Variants in CSMD1 observed in about 807,000 individuals in gnomAD.
CSMD1 encodes CUB and Sushi multiple domains 1.
A neutral mutation model predicts 417.5 loss-of-function variants in CSMD1; 213 were observed. The observed-to-expected ratio is 0.51, with a 90% confidence interval of 0.46 to 0.57. The LOEUF is 0.57. Among genes scored for constraint, CSMD1 ranks in the 20% least tolerant of loss-of-function variants. The probability of loss-of-function intolerance (pLI) is 0.00; values close to 1 mark genes in which losing one functional copy is unlikely to be tolerated. For missense variants in CSMD1, 6,923 were observed against 4,529.7 expected, an observed-to-expected ratio of 1.53 and a Z score of -15.17; for synonymous variants, 2,862 against 1,736.8, an observed-to-expected ratio of 1.65 and a Z score of -16.11.
rs1263228979 is a variant in CSMD1, at chr8:4,386,292, C to G, written c.415+33661G>C. ...CCCCGGTTATGACTTCCATCCCACTCAAACAAAACACACTATCAGACATTC... is the reference window on the plus strand; with the variant it reads ...CCCCGGTTATGACTTCCATCCCACTGAAACAAAACACACTATCAGACATTC... On this transcript the variant is annotated intron_variant, in intron 3 of 69. Coordinates refer to ENST00000635120, the MANE Select transcript of CSMD1 (RefSeq NM_033225.6). 4.0e-5 allele frequency among the ~76,000 whole-genome samples: 6 copies of G among 151,882 alleles called. No individual in the cohort carries two copies. The South Asian group carries it at 6.2e-4, about 16-fold the overall frequency.
intron 5 of CSMD1, among the ~76,000 whole-genome samples, chr8:3,942,015 T>C (rs1339682251): frequency 6.6e-6 from 1 of 151,962 alleles, no homozygotes; most frequent in South Asian, 2.1e-4. Flanking sequence ...AGACCAGCAG[T>C]GGCATTAGAT....
chr8:4,031,435 C>T (rs955561951), intron 4 of CSMD1, among the ~76,000 whole-genome samples: 3 of 152,150 alleles, frequency 2.0e-5, no homozygotes, highest in African/African-American at 7.2e-5. Flanking sequence ...CATCAGATCT[C>T]ATAAGACTTA....
chr8:4,067,576 C>T (rs2552108), intron 3 of CSMD1, among the ~76,000 whole-genome samples: 124,420 of 152,080 alleles, frequency 0.82, 50,920 homozygotes, highest in Admixed American at 0.87. Context: ...GTTTCAACAA[C>T]AGCATTTTTG....
intron 5 of CSMD1, among the ~76,000 whole-genome samples, chr8:3,822,309 G>C (rs1029495402): frequency 1.3e-5 from 2 of 152,068 alleles, no homozygotes; most frequent in African/African-American, 4.8e-5. Context: ...GGGAAGAACA[G>C]GTGTTTTAAA....
intron 35 of CSMD1, among the ~76,000 whole-genome samples, chr8:3,188,498 G>C (rs1286746830): frequency 2.0e-5 from 3 of 151,212 alleles, no homozygotes; most frequent in African/African-American, 7.3e-5. Flanking sequence ...GTAGAGACAG[G>C]GTTTCACCAT....
intron 4 of CSMD1, among the ~76,000 whole-genome samples, chr8:4,000,936 T>A (rs1057075592): frequency 2.0e-5 from 3 of 152,044 alleles, no homozygotes; most frequent in Non-Finnish European, 4.4e-5. Context: ...AATGATGTAG[T>A]TGAAAGATTA....
At chr8:3,108,276 C>T (rs929939447) in intron 44 of CSMD1, among the ~76,000 whole-genome samples, 1 of 152,192 alleles carries the variant, frequency 6.6e-6, no homozygotes. Context: ...TTTATAGTTA[C>T]ATGACATTTG....
At chr8:4,759,971 C>T (rs904853172) in intron 1 of CSMD1, among the ~76,000 whole-genome samples, 1 of 152,198 alleles carries the variant, frequency 6.6e-6, no homozygotes, top group African/African-American at 2.4e-5. Context: ...GGTTTTAGAA[C>T]TTTGAGGAAT....
chr8:4,659,940 A>T (rs1804483041), intron 1 of CSMD1, among the ~76,000 whole-genome samples: 1 of 152,064 alleles, frequency 6.6e-6, no homozygotes, highest in South Asian at 2.1e-4. Flanking sequence ...GGATCAAAAC[A>T]CTCTGAAAAC....
chr8:4,216,291 G>A (rs1043048832), intron 3 of CSMD1, among the ~76,000 whole-genome samples: 1 of 151,976 alleles, frequency 6.6e-6, no homozygotes, highest in African/African-American at 2.4e-5. Flanking sequence ...CCCTGTGGTT[G>A]CCTAGTCAAT....
At chr8:3,395,228 TA>T (rs1811612874) in intron 17 of CSMD1, among the ~76,000 whole-genome samples, 1 of 152,178 alleles carries the variant, frequency 6.6e-6, no homozygotes, top group Admixed American at 6.5e-5. Flanking sequence ...GTACTTGAGA[TA>T]AAGCTCTGAA....
At chr8:3,514,265 T>A (rs1797196553) in intron 10 of CSMD1, among the ~76,000 whole-genome samples, 1 of 152,098 alleles carries the variant, frequency 6.6e-6, no homozygotes, top group East Asian at 1.9e-4. Context: ...CAGGAAGCCA[T>A]TATAAATGGT....
chr8:4,916,553 G>A (rs767514127), intron 1 of CSMD1, among the ~76,000 whole-genome samples: 2 of 152,160 alleles, frequency 1.3e-5, no homozygotes, highest in Non-Finnish European at 2.9e-5. Context: ...AAATGCACGT[G>A]GCACTCAAAT....
At position 4,362,002 on chromosome 8, in the gene CSMD1, C is replaced by G. The variant is rs1012139694; in HGVS notation, c.415+57951G>C. Among the ~76,000 whole-genome samples, 4 of 151,606 alleles carry G rather than the reference C, an allele frequency of 2.6e-5. No homozygotes were observed. The East Asian group carries it at 7.8e-4, about 29-fold the overall frequency. On this transcript the variant is annotated intron_variant, in intron 3 of 69. Transcript: ENST00000635120. ...TAAATAAATAAATAAAGTTTCCTAT[C>G]CTTAGATTAAGAAAAAGCAAGACAA...
intron 2 of CSMD1, among the ~76,000 whole-genome samples, chr8:4,479,543 C>A (rs184511405): frequency 1.1e-3 from 171 of 152,260 alleles, no homozygotes; most frequent in Non-Finnish European, 2.0e-3. Context: ...ATTGATCACT[C>A]GTTTCACTTC....
At chr8:4,709,070 G>T (rs560144320) in intron 1 of CSMD1, among the ~76,000 whole-genome samples, 2 of 152,278 alleles carry the variant, frequency 1.3e-5, no homozygotes, top group East Asian at 3.9e-4. Context: ...GGGAGCCCTA[G>T]CAAAGTAATA....
At chr8:4,282,551 T>C (rs1284723346) in intron 3 of CSMD1, among the ~76,000 whole-genome samples, 9 of 152,238 alleles carry the variant, frequency 5.9e-5, no homozygotes, top group African/African-American at 1.9e-4. Context: ...TGTGTTTTTC[T>C]ATGCAGCACC....
At chr8:3,085,601 T>C (rs901434668) in intron 49 of CSMD1, among the ~76,000 whole-genome samples, 1 of 152,200 alleles carries the variant, frequency 6.6e-6, no homozygotes, top group African/African-American at 2.4e-5. Context: ...AGAGCCTCAT[T>C]TGCAGTGTGC....
chr8:3,996,099 T>G (rs907117153), intron 5 of CSMD1, among the ~76,000 whole-genome samples: 4 of 152,178 alleles, frequency 2.6e-5, no homozygotes, highest in Admixed American at 6.5e-5. Context: ...TCATGATCTG[T>G]ATTTTCTGAC....
Sources: allele counts gnomAD v4.1 joint callset (sites outside exome capture counted in the v4.1 genomes callset), GRCh38; gene constraint gnomAD v4.1.1; transcripts MANE v1.5; gene names NCBI Gene and HGNC (gene_info 2026-07-23, HGNC 2026-07-21).